The following RETREG1 variants were observed in gnomAD, a reference collection of about 807,000 sequenced individuals.
RETREG1 encodes the protein family with sequence similarity 134 member B.
Under a neutral mutation model 54.8 loss-of-function variants are expected in RETREG1, and 44 were observed. The ratio of observed to expected loss-of-function variants is 0.80; its 90% CI spans 0.63 to 1.03. The LOEUF is 1.03. RETREG1 is among the 50% of genes least tolerant of loss of function. The pLI, the probability that RETREG1 is intolerant of heterozygous loss-of-function variation, is 0.00. For missense variants in RETREG1, 554 were observed against 605.1 expected (o/e 0.92, Z 0.89); for synonymous variants, 217 against 238.5 (o/e 0.91, Z 0.83).
At position 16,483,312 on chromosome 5, in the gene RETREG1, AT is replaced by A. The variant is rs751163742; in HGVS notation, c.585+33del. ...TTCATTTGTTTCCAAGTAACTGAAC[AT>A]TTTAAAACATACTCCTTTACTGGAA... On this transcript the variant is annotated intron_variant, in intron 4 of 8. Transcript: ENST00000306320. The A allele has an allele frequency of 3.1e-6, 5 of 1,611,834 alleles. No homozygotes were observed. In the African/African-American group the frequency reaches 6.7e-5, roughly 21 times the overall value.
chr5:16,606,037 CA>C (rs951756035), intron 1 of RETREG1, among the ~76,000 whole-genome samples: 6 of 152,226 alleles, frequency 3.9e-5, no homozygotes, highest in African/African-American at 1.4e-4. Flanking sequence ...GCCTGAGAAC[CA>C]AAACACAGAG....
At chr5:16,546,512 T>G (rs75818061) in intron 3 of RETREG1, among the ~76,000 whole-genome samples, 5,454 of 152,172 alleles carry the variant, frequency 0.036, 294 homozygotes, top group African/African-American at 0.12. Context: ...TAGAAAAGAG[T>G]AAGTCATTAG....
At chr5:16,517,008 C>A (rs2126575257) in intron 3 of RETREG1, among the ~76,000 whole-genome samples, 1 of 152,046 alleles carries the variant, frequency 6.6e-6, no homozygotes, top group South Asian at 2.1e-4. Context: ...GCAACAGATG[C>A]CTGCAGGGGG....
chr5:16,507,873 C>T (rs573244503), intron 3 of RETREG1, among the ~76,000 whole-genome samples: 1 of 152,142 alleles, frequency 6.6e-6, no homozygotes, highest in African/African-American at 2.4e-5. Flanking sequence ...TTCAATGGCC[C>T]CAATTAGAAT....
In RETREG1 at chr5:16,474,305, A is replaced by AT. The variant is rs1169104870; in HGVS notation, c.*435dup. On this transcript the variant is annotated 3_prime_UTR_variant, in exon 9 of 9. Coordinates refer to ENST00000306320, the MANE Select transcript of RETREG1 (RefSeq NM_001034850.3). ...CCGTTGAAAAAAAAATTTTCCAGGT[A>AT]TTAGGAATAAGGAAGCTGGTAACAG... The AT allele has an allele frequency of 1.3e-5, 2 of 155,856 alleles. No individual in the cohort carries two copies. Among genetic ancestry groups the AT allele is most frequent in the Non-Finnish European group, 2.8e-5 (2 of 70,648 alleles). The allele number at this position is 155,856 out of a possible 1,614,324, so 9.7% of individuals were successfully genotyped here.
chr5:16,553,617 C>T (rs913004344), intron 3 of RETREG1, among the ~76,000 whole-genome samples: 4 of 151,710 alleles, frequency 2.6e-5, no homozygotes, highest in African/African-American at 4.8e-5. Flanking sequence ...TAAATATAAG[C>T]GCGGCTTTTT....
chr5:16,501,098 G>A (rs997276679), intron 3 of RETREG1, among the ~76,000 whole-genome samples: 2 of 152,148 alleles, frequency 1.3e-5, no homozygotes, highest in African/African-American at 4.8e-5. Flanking sequence ...TATAACTTAT[G>A]TATACATTTA....
chr5:16,613,919 A>C (rs1743418816), intron 1 of RETREG1, among the ~76,000 whole-genome samples: 2 of 152,390 alleles, frequency 1.3e-5, no homozygotes, highest in South Asian at 2.1e-4. Context: ...GGGAAAAAAA[A>C]ACAAAATTTT....
At chr5:16,565,869 G>A in intron 2 of RETREG1, 76 bp from the exon 3 acceptor site, 1 of 1,467,334 alleles carries the variant, frequency 6.8e-7, no homozygotes, top group African/African-American at 1.4e-5. Flanking sequence ...CTCTGAACTA[G>A]TCCAAGCTAT....
At chr5:16,587,154 A>G (rs1035961551) in intron 1 of RETREG1, among the ~76,000 whole-genome samples, 5 of 152,218 alleles carry the variant, frequency 3.3e-5, no homozygotes, top group Non-Finnish European at 7.3e-5. Context: ...TTCTGAGAAG[A>G]AGAGCTCTTG....
intron 3 of RETREG1, among the ~76,000 whole-genome samples, chr5:16,511,898 TC>T (rs1740188771): frequency 6.6e-6 from 1 of 151,330 alleles, no homozygotes; most frequent in Non-Finnish European, 1.5e-5. Flanking sequence ...ACCCCCATGA[TC>T]CCCCATCACC....
rs1406702350 is a variant in RETREG1 at position 16,492,229 on chromosome 5, T to TCTCTCTCTCTCACACACACA, written c.459-8758_459-8757insTGTGTGTGTGAGAGAGAGAG. ...CTCTCTCTCTCTCTCTCTCTCTCTC[T>TCTCTCTCTCTCACACACACA]CACACACACACACACACACACACCA... On this transcript the variant is annotated intron_variant, in intron 3 of 8. Coordinates refer to ENST00000306320, the MANE Select transcript of RETREG1 (RefSeq NM_001034850.3). 3.7e-3 allele frequency among the ~76,000 whole-genome samples: 406 copies of TCTCTCTCTCTCACACACACA among 110,594 alleles called. 5 individuals are homozygous for TCTCTCTCTCTCACACACACA. The highest frequency in any genetic ancestry group is 0.012 in the African/African-American group (371 of 32,192). The allele number at this position is 110,594 out of a possible 152,430, so 72.6% of individuals were successfully genotyped here.
At chr5:16,553,763 T>C (rs1028873171) in intron 3 of RETREG1, among the ~76,000 whole-genome samples, 9 of 152,256 alleles carry the variant, frequency 5.9e-5, no homozygotes, top group African/African-American at 1.9e-4. Context: ...CATTTTATTA[T>C]GTTTTACAAC....
intron 4 of RETREG1, among the ~76,000 whole-genome samples, chr5:16,481,898 C>T (rs868658712): frequency 6.6e-6 from 1 of 152,004 alleles, no homozygotes; most frequent in Non-Finnish European, 1.5e-5. Flanking sequence ...AACTGTCTTA[C>T]ATTTTTCGTC....
At chr5:16,556,258 A>T (rs1741704280) in intron 3 of RETREG1, among the ~76,000 whole-genome samples, 1 of 151,206 alleles carries the variant, frequency 6.6e-6, no homozygotes, top group Admixed American at 6.6e-5. Context: ...TCCCAGGTTC[A>T]CGCCATTCTC....
At chr5:16,599,300 C>T (rs977380300) in intron 1 of RETREG1, among the ~76,000 whole-genome samples, 1 of 152,126 alleles carries the variant, frequency 6.6e-6, no homozygotes. Flanking sequence ...TAGCTAGAAC[C>T]AAATATACTC....
intron 3 of RETREG1, among the ~76,000 whole-genome samples, chr5:16,522,182 A>G (rs1740554333): frequency 6.6e-6 from 1 of 152,150 alleles, no homozygotes; most frequent in Non-Finnish European, 1.5e-5. Flanking sequence ...ATTTGCTACA[A>G]GAAAAGCTGA....
At chr5:16,528,549 G>A (rs621932) in intron 3 of RETREG1, among the ~76,000 whole-genome samples, 113,186 of 151,986 alleles carry the variant, frequency 0.74, 42,266 homozygotes, top group Middle Eastern at 0.8. Flanking sequence ...AGGGGGCCAA[G>A]GAGGAGTGAG....
chr5:16,547,702 C>T (rs1380679379), intron 3 of RETREG1, among the ~76,000 whole-genome samples: 3 of 152,146 alleles, frequency 2.0e-5, no homozygotes, highest in Admixed American at 6.5e-5. Flanking sequence ...AGTCATGTAA[C>T]GGCAGGTTTT....
Sources: gnomAD v4.1 joint callset for allele counts (sites outside exome capture counted in the v4.1 genomes callset) on GRCh38, gnomAD v4.1.1 for gene constraint, MANE v1.5 for transcripts, NCBI Gene and HGNC (gene_info 2026-07-23, HGNC 2026-07-21) for gene names.